EFCAB5: variants seen among roughly 807,000 people sequenced by gnomAD.
The protein encoded by EFCAB5 is EF-hand calcium-binding domain-containing protein 5.
EFCAB5 carries 131 observed loss-of-function variants against 167.9 expected under a neutral mutation model. That is an observed-to-expected ratio of 0.78 (90% confidence interval 0.68 to 0.90). The LOEUF is 0.90. Ranked by LOEUF, EFCAB5 falls within the 40% of genes least tolerant of loss-of-function variation. The pLI is 0.00. For synonymous variants in EFCAB5, 574 were observed against 602.8 expected, an observed-to-expected ratio of 0.95 and a Z score of 0.70; for missense variants, 1,663 against 1,745.2, an observed-to-expected ratio of 0.95 and a Z score of 0.84.
chr17:29,930,226 A>C, intron 1 of EFCAB5: 1 of 551,004 alleles, frequency 1.8e-6, no homozygotes, highest in Non-Finnish European at 3.2e-6. Flanking sequence ...TGCGGGGCAC[A>C]ATGAGCGCTC....
intron 7 of EFCAB5, among the ~76,000 whole-genome samples, chr17:30,033,602 C>T (rs1021979049): frequency 1.3e-5 from 2 of 152,180 alleles, no homozygotes; most frequent in Non-Finnish European, 2.9e-5. Context: ...GGGCAAGCCC[C>T]ATGTCAAACC....
chr17:29,971,759 C>A (rs2067959700), intron 4 of EFCAB5, among the ~76,000 whole-genome samples: 1 of 152,114 alleles, frequency 6.6e-6, no homozygotes, highest in Admixed American at 6.5e-5. Flanking sequence ...AATATGCTTT[C>A]TACTTGTAAG....
chr17:29,954,455 C>A (rs1255674417), intron 3 of EFCAB5, among the ~76,000 whole-genome samples: 2 of 152,342 alleles, frequency 1.3e-5, no homozygotes, highest in East Asian at 1.9e-4. Flanking sequence ...TCAGCAGGTG[C>A]AAGCCCTAAA....
chr17:29,974,541 C>CA (rs752234036), intron 4 of EFCAB5, among the ~76,000 whole-genome samples: 135 of 94,904 alleles, frequency 1.4e-3, no homozygotes, highest in East Asian at 4.0e-3. Context: ...GACCCTGTCT[C>CA]AAAAAAAAAA....
At chr17:30,076,487 A>G (rs934434831) in intron 14 of EFCAB5, among the ~76,000 whole-genome samples, 1 of 152,212 alleles carries the variant, frequency 6.6e-6, no homozygotes, top group Non-Finnish European at 1.5e-5. Flanking sequence ...AAGGAGCAAA[A>G]AATCAATAAA....
intron 1 of EFCAB5, among the ~76,000 whole-genome samples, chr17:29,935,313 C>T (rs1291701189): frequency 1.3e-5 from 2 of 152,082 alleles, no homozygotes; most frequent in Admixed American, 1.3e-4. Flanking sequence ...AAGTCCAGTA[C>T]TTTGGGAGGC....
intron 17 of EFCAB5, among the ~76,000 whole-genome samples, chr17:30,082,552 A>C (rs2071009349): frequency 6.6e-6 from 1 of 151,912 alleles, no homozygotes; most frequent in Non-Finnish European, 1.5e-5. Context: ...CACCATGCCC[A>C]GCTAATATTT....
intron 3 of EFCAB5, among the ~76,000 whole-genome samples, chr17:29,959,237 G>A (rs765529058): frequency 5.9e-5 from 9 of 152,086 alleles, no homozygotes; most frequent in African/African-American, 2.2e-4. Context: ...TCAGGGCAAC[G>A]AGTTCCTTTC....
At chr17:30,071,726 T>C (rs2070741861) in intron 14 of EFCAB5, among the ~76,000 whole-genome samples, 1 of 152,166 alleles carries the variant, frequency 6.6e-6, no homozygotes, top group Non-Finnish European at 1.5e-5. Context: ...TCACAATAGC[T>C]GAGATATGAG....
chr17:30,037,565 G>A (rs1348544077), intron 8 of EFCAB5, among the ~76,000 whole-genome samples: 2 of 152,086 alleles, frequency 1.3e-5, no homozygotes, highest in Non-Finnish European at 2.9e-5. Context: ...TACTCAATAG[G>A]TGACCAAAAA....
chr17:29,995,194 G>A (rs1201810013), intron 5 of EFCAB5, among the ~76,000 whole-genome samples: 2 of 152,148 alleles, frequency 1.3e-5, no homozygotes, highest in African/African-American at 4.8e-5. Context: ...TGTTTGATGA[G>A]AAGAATGAGC....
chr17:30,106,236 G>C (rs754895148), intron 22 of EFCAB5, among the ~76,000 whole-genome samples: 4 of 151,456 alleles, frequency 2.6e-5, no homozygotes, highest in Non-Finnish European at 4.4e-5. Context: ...ACTAGCCTGG[G>C]CAACATAAGA....
At chr17:30,065,726 A>C (rs1263950184) in intron 14 of EFCAB5, 1 of 152,178 alleles carries the variant, frequency 6.6e-6, no homozygotes, top group East Asian at 1.9e-4. Flanking sequence ...AACTCGGTTC[A>C]CCAGTAAAGA....
intron 7 of EFCAB5, among the ~76,000 whole-genome samples, chr17:30,025,494 G>C (rs2151717650): frequency 6.6e-6 from 1 of 152,240 alleles, no homozygotes; most frequent in East Asian, 1.9e-4. Context: ...AGTTAGAATG[G>C]CAATCATTAA....
chr17:29,982,289 C>T (rs1022559874), intron 4 of EFCAB5, among the ~76,000 whole-genome samples: 15 of 151,858 alleles, frequency 9.9e-5, no homozygotes, highest in African/African-American at 3.1e-4. Context: ...AAAAATTAGC[C>T]GGGAGGCTGA....
intron 7 of EFCAB5, among the ~76,000 whole-genome samples, chr17:30,010,224 G>A (rs2068866726): frequency 6.6e-6 from 1 of 152,128 alleles, no homozygotes; most frequent in South Asian, 2.1e-4. Context: ...TATTTGGGTT[G>A]GTTCCAAGTC....
At chr17:30,045,117 G>A (rs1210218844) in intron 8 of EFCAB5, among the ~76,000 whole-genome samples, 2 of 152,072 alleles carry the variant, frequency 1.3e-5, no homozygotes, top group Non-Finnish European at 2.9e-5. Context: ...ACAATAGAAA[G>A]CAGATCAGTG....
At chr17:30,024,901 T>G (rs1179219604) in intron 7 of EFCAB5, among the ~76,000 whole-genome samples, 1 of 151,416 alleles carries the variant, frequency 6.6e-6, no homozygotes, top group African/African-American at 2.4e-5. Context: ...CTATCTGATC[T>G]TTGACAAACC....
chr17:30,073,106 A>G (rs1026309790), intron 14 of EFCAB5: 3 of 686,030 alleles, frequency 4.4e-6, no homozygotes, highest in East Asian at 5.6e-5. Context: ...GCCAGGCTGG[A>G]GTGCAGTGGC....
Sources: gnomAD v4.1 joint callset for allele counts (sites outside exome capture counted in the v4.1 genomes callset) on GRCh38, gnomAD v4.1.1 for gene constraint, MANE v1.5 for transcripts, NCBI Gene and HGNC (gene_info 2026-07-23, HGNC 2026-07-21) for gene names.